The following EZH1 variants were observed in gnomAD, a reference collection of about 807,000 sequenced individuals.
EZH1 encodes the protein enhancer of zeste 1 polycomb repressive complex 2 subunit.
Under a neutral mutation model 100.5 loss-of-function variants are expected in EZH1, and 33 were observed. The observed-to-expected ratio is 0.33, with a 90% confidence interval of 0.25 to 0.44. The LOEUF is 0.44. EZH1 is among the 20% of genes least tolerant of loss of function. The pLI, the probability that EZH1 is intolerant of heterozygous loss-of-function variation, is 1.00. For synonymous variants in EZH1, 272 were observed against 313.8 expected, an observed-to-expected ratio of 0.87 and a Z score of 1.41; for missense variants, 475 against 928.4, an observed-to-expected ratio of 0.51 and a Z score of 6.35.
chr17:42,741,027 A>T (rs554327157), intron 1 of EZH1, among the ~76,000 whole-genome samples: 1 of 152,324 alleles, frequency 6.6e-6, no homozygotes, highest in South Asian at 2.1e-4. Flanking sequence ...GGAGAAGCAC[A>T]ATTTTTCTTT....
intron 10 of EZH1, among the ~76,000 whole-genome samples, chr17:42,716,398 A>AC (rs2053605279): frequency 6.6e-6 from 1 of 152,230 alleles, no homozygotes; most frequent in Non-Finnish European, 1.5e-5. Context: ...TCCAGGAAGA[A>AC]GGTATCTTTC....
intron 17 of EZH1, among the ~76,000 whole-genome samples, 200 bp from the exon 18 acceptor site, chr17:42,704,883 C>G (rs757912912): frequency 3.3e-5 from 5 of 152,202 alleles, no homozygotes; most frequent in Admixed American, 6.5e-5. Context: ...AAAGAGCCCC[C>G]CTCATCTCTT....
At chr17:42,730,073 A>AAAC (rs568981181) in intron 2 of EZH1, among the ~76,000 whole-genome samples, 1 of 152,110 alleles carries the variant, frequency 6.6e-6, no homozygotes, top group South Asian at 2.1e-4. Context: ...AAACAAAAAA[A>AAAC]AACAACAACA....
intron 16 of EZH1, 27 bp from the exon 17 acceptor site, chr17:42,705,210 A>G (rs2053327586): frequency 6.6e-7 from 1 of 1,523,174 alleles, no homozygotes; most frequent in Non-Finnish European, 9.1e-7. Flanking sequence ...CAAGTCTCAG[A>G]CTACAGGGTG....
chr17:42,712,660 T>TGG (rs1032622942), intron 11 of EZH1, among the ~76,000 whole-genome samples, 175 bp from the exon 12 acceptor site: 3 of 152,168 alleles, frequency 2.0e-5, no homozygotes, highest in African/African-American at 7.2e-5. Flanking sequence ...CCCTGCATTT[T>TGG]GGGAGGCCGA....
intron 12 of EZH1, among the ~76,000 whole-genome samples, chr17:42,710,301 G>GCAGGA (rs2053450638): frequency 6.6e-6 from 1 of 152,126 alleles, no homozygotes. Context: ...TGAGTGTAAG[G>GCAGGA]CAGGACAGGA....
chr17:42,715,315 C>T (rs2053581260), intron 10 of EZH1, among the ~76,000 whole-genome samples: 1 of 147,660 alleles, frequency 6.8e-6, no homozygotes, highest in South Asian at 2.2e-4. Flanking sequence ...GCCCTGTCAC[C>T]CAGGTGAGTA....
chr17:42,722,550 A>G (rs2053731958), intron 6 of EZH1, among the ~76,000 whole-genome samples: 1 of 149,950 alleles, frequency 6.7e-6, no homozygotes, highest in African/African-American at 2.5e-5. Context: ...ACTTGAACCC[A>G]GGAGGCAGAG....
intron 1 of EZH1, among the ~76,000 whole-genome samples, chr17:42,735,297 C>A (rs1411778621): frequency 6.6e-6 from 1 of 151,310 alleles, no homozygotes. Context: ...TGTTGGCACA[C>A]ACCTGAAACT....
At chr17:42,708,795 G>A in intron 14 of EZH1, 81 bp downstream of exon 14, 2 of 1,456,346 alleles carry the variant, frequency 1.4e-6, no homozygotes, top group Non-Finnish European at 1.9e-6. Context: ...GTCAACAAGT[G>A]CAGCTGGAGG....
At chr17:42,703,416 G>A (rs1208491448) in intron 19 of EZH1, 1 of 327,892 alleles carries the variant, frequency 3.0e-6, no homozygotes, top group Non-Finnish European at 5.7e-6. Flanking sequence ...GGCCTCAAGT[G>A]ATCCACCTGC....
chr17:42,701,433 C>G lies in EZH1; in HGVS notation c.*1099G>C, dbSNP rs868521566. ...CCTGCACACGGGGTGCCAGCCTAAACGCGTGCAATTTAGCCCCTCACCAAC... is the reference window on the plus strand; with the variant it reads ...CCTGCACACGGGGTGCCAGCCTAAAGGCGTGCAATTTAGCCCCTCACCAAC... On this transcript the variant is annotated 3_prime_UTR_variant, in exon 21 of 21. Coordinates refer to ENST00000428826, the MANE Select transcript of EZH1 (RefSeq NM_001991.5). The G allele has an allele frequency of 1.3e-5, 2 of 152,864 alleles. No individual in the cohort carries two copies. The highest frequency in any genetic ancestry group is 1.3e-4 in the Admixed American group (2 of 15,290). The allele number at this position is 152,864 out of a possible 1,614,324, so 9.5% of individuals were successfully genotyped here.
At chr17:42,709,413 G>T in intron 13 of EZH1, 1 of 176,852 alleles carries the variant, frequency 5.7e-6, no homozygotes. Context: ...CAGGGCCAGG[G>T]TGCAGAATTT....
At position 42,730,811 on chromosome 17, in the gene EZH1, T is replaced by C; in HGVS notation, c.-12+17A>G. 1.0e-6 allele frequency: 1 copy of C among 979,528 alleles called. No homozygotes were observed. The highest frequency in any genetic ancestry group is 1.2e-6 in the Non-Finnish European group (1 of 824,502). 60.7% of individuals were successfully genotyped at this position (979,528 alleles called of 1,614,324 possible). On this transcript the variant is annotated intron_variant, in intron 2 of 20. Transcript: ENST00000428826. ...GCGCCCGGCCAAGAAGTATGTATTCTAATATACTTTACCTACCTTATAGAA... is the reference window on the plus strand; with the variant it reads ...GCGCCCGGCCAAGAAGTATGTATTCCAATATACTTTACCTACCTTATAGAA...
chr17:42,733,947 A>AG (rs1283346125), intron 1 of EZH1, among the ~76,000 whole-genome samples: 4 of 151,790 alleles, frequency 2.6e-5, no homozygotes, highest in Admixed American at 2.0e-4. Flanking sequence ...CTCAAAAAAA[A>AG]AAAAAAAAAA....
chr17:42,709,190 C>CAAAGTG, intron 13 of EZH1: 1 of 510,860 alleles, frequency 2.0e-6, no homozygotes. Flanking sequence ...AAGCCCAAGC[C>CAAAGTG]TATTGGTCTA....
chr17:42,723,290 G>A (rs1397246451), intron 5 of EZH1, among the ~76,000 whole-genome samples: 2 of 151,804 alleles, frequency 1.3e-5, no homozygotes, highest in Non-Finnish European at 2.9e-5. Flanking sequence ...GAGGAGAATC[G>A]CTTGAACCTG....
At chr17:42,717,362 GTATAA>G (rs763830140) in intron 10 of EZH1, among the ~76,000 whole-genome samples, 8 of 152,312 alleles carry the variant, frequency 5.3e-5, no homozygotes, top group Non-Finnish European at 7.3e-5. Context: ...TTGGCTGGTT[GTATAA>G]TATAATTTTA....
At chr17:42,712,569 A>T in intron 11 of EZH1, 84 bp from the exon 12 acceptor site, 1 of 1,295,240 alleles carries the variant, frequency 7.7e-7, no homozygotes, top group Middle Eastern at 2.0e-4. Flanking sequence ...GAAGTACTTC[A>T]TTCTACTTTA....
Sources: gnomAD v4.1 joint callset for allele counts (sites outside exome capture counted in the v4.1 genomes callset) on GRCh38, gnomAD v4.1.1 for gene constraint, MANE v1.5 for transcripts, NCBI Gene and HGNC (gene_info 2026-07-23, HGNC 2026-07-21) for gene names.